CASQ1: variants seen among roughly 807,000 people sequenced by gnomAD.
The protein encoded by CASQ1 is calsequestrin-1.
Under a neutral mutation model 49.5 loss-of-function variants are expected in CASQ1, and 40 were observed. The ratio of observed to expected loss-of-function variants is 0.81; its 90% CI spans 0.63 to 1.05. The LOEUF is 1.05. Among genes scored for constraint, CASQ1 ranks in the 50% least tolerant of loss-of-function variants. The pLI, the probability that CASQ1 is intolerant of heterozygous loss-of-function variation, is 0.00. For missense variants in CASQ1, 469 were observed against 486.9 expected (o/e 0.96, Z 0.35); for synonymous variants, 174 against 187.2 (o/e 0.93, Z 0.58).
intron 2 of CASQ1, 27 bp from the exon 3 acceptor site, chr1:160,193,720 C>G (rs377618071): frequency 1.2e-5 from 16 of 1,309,552 alleles, no homozygotes; most frequent in African/African-American, 2.9e-5. Flanking sequence ...CTCACTACCC[C>G]ACCCCTGCGC....
intron 3 of CASQ1, among the ~76,000 whole-genome samples, chr1:160,194,105 A>G (rs1557814271): frequency 6.6e-6 from 1 of 150,484 alleles, no homozygotes; most frequent in East Asian, 2.0e-4. Flanking sequence ...ACACATAGGC[A>G]CCACATGCAC....
Position 160,199,935 on chromosome 1 carries a change from C to T in CASQ1, c.1059+10C>T. 2.5e-6 allele frequency: 4 copies of T among 1,594,558 alleles called. No individual in the cohort carries two copies. The highest frequency in any genetic ancestry group is 3.4e-6 in the Non-Finnish European group (4 of 1,162,096). On this transcript the variant is annotated intron_variant, in intron 10 of 10. Coordinates refer to ENST00000368078, the MANE Select transcript of CASQ1 (RefSeq NM_001231.5). ...CGTCAATGTTACTGATGTGAGTTTC[C>T]TGTCCTCATCCCGGGTTGACCCCCG... is the stretch of plus-strand genomic sequence containing the variant.
chr1:160,199,067 C>T lies in CASQ1; in HGVS notation c.984+14C>T. 2 of 1,436,078 alleles carry T rather than the reference C, an allele frequency of 1.4e-6. No homozygotes were observed. Among genetic ancestry groups the T allele is most frequent in the South Asian group, 2.3e-5 (2 of 87,566 alleles). 89.0% of individuals were successfully genotyped at this position (1,436,078 alleles called of 1,614,324 possible). ...GACTTCCCCCTGGTAAGAGGCACAG[C>T]TCAGGCACTGCTATCTTAAGGTGGG... is the stretch of plus-strand genomic sequence containing the variant. On this transcript the variant is annotated intron_variant, in intron 9 of 10. Coordinates refer to ENST00000368078, the MANE Select transcript of CASQ1 (RefSeq NM_001231.5).
At chr1:160,194,661 G>C (rs1571048769) in intron 3 of CASQ1, among the ~76,000 whole-genome samples, 2 of 142,628 alleles carry the variant, frequency 1.4e-5, no homozygotes, top group South Asian at 4.5e-4. Context: ...TCACACACAT[G>C]CCACACATGT....
At chr1:160,200,959 G>T (rs1654356895) in intron 10 of CASQ1, among the ~76,000 whole-genome samples, 1 of 152,220 alleles carries the variant, frequency 6.6e-6, no homozygotes, top group African/African-American at 2.4e-5. Context: ...AGCTACCAGT[G>T]GTTTTGCACC....
chr1:160,195,043 G>T lies in CASQ1; in HGVS notation c.497G>T (p.Gly166Val). The T allele has an allele frequency of 6.2e-7, 1 of 1,612,792 alleles. No individual in the cohort carries two copies. The highest frequency in any genetic ancestry group is 8.5e-7 in the Non-Finnish European group (1 of 1,179,212). ...GAGGACCCTGTGGAATTGATTGAAG[G>T]TGAACGAGAGCTGCAGGCGTTTGAG... ...VLEDPVELIE[G>V]ERELQAFENI... The change falls in exon 4 of 11, where the codon GGT becomes GTT. Residue 166 changes from glycine (G) to valine (V), a missense_variant. Physicochemically the swap from Gly to Val is moderately radical, Grantham distance 109. Transcript: ENST00000368078.
Position 160,201,226 on chromosome 1 carries a change from T to C in CASQ1, c.1060-19T>C. 1 of 1,610,214 alleles carries C rather than the reference T, an allele frequency of 6.2e-7. No homozygotes were observed. On this transcript the variant is annotated intron_variant, in intron 10 of 10. Coordinates refer to ENST00000368078, the MANE Select transcript of CASQ1 (RefSeq NM_001231.5). ...CCGGGTTGGACTTAGCTTCCGTCCC[T>C]GCCTGTGCCATCTCCTAGGCGGATA...
intron 1 of CASQ1, chr1:160,192,567 T>C: frequency 2.0e-6 from 1 of 497,144 alleles, no homozygotes; most frequent in Non-Finnish European, 3.7e-6. Flanking sequence ...TGTCTTCAAG[T>C]CCAACATAAT....
chr1:160,195,762 G>A, intron 5 of CASQ1, 135 bp from the exon 6 acceptor site: 1 of 1,033,006 alleles, frequency 9.7e-7, no homozygotes, highest in Non-Finnish European at 1.4e-6. Flanking sequence ...TAAGACACTT[G>A]TCAGGTGTCA....
chr1:160,191,062 A>T, intron 1 of CASQ1, 32 bp downstream of exon 1: 1 of 1,606,330 alleles, frequency 6.2e-7, no homozygotes, highest in South Asian at 1.1e-5. Flanking sequence ...CCTGCAGAGC[A>T]TGTCTAGCCC....
intron 1 of CASQ1, 23 bp from the exon 2 acceptor site, chr1:160,192,773 CTAATTT>C (rs759610529): frequency 3.1e-6 from 5 of 1,598,858 alleles, no homozygotes; most frequent in Non-Finnish European, 4.3e-6. Context: ...ATTCCAGGGG[CTAATTT>C]TAATCATAAT....
Position 160,198,952 on chromosome 1 carries a change from G to C in CASQ1, c.884-1G>C, listed in dbSNP as rs1394158705. 1 of 1,598,110 alleles carries C rather than the reference G, an allele frequency of 6.3e-7. No homozygotes were observed. Among genetic ancestry groups the C allele is most frequent in the Non-Finnish European group, 8.6e-7 (1 of 1,165,502 alleles). On this transcript the variant is annotated splice_acceptor_variant, in intron 8 of 10. Transcript: ENST00000368078. LOFTEE classifies it high-confidence loss of function. ...TACCTTGTACTTGTGTTCCCTCCAA[G>C]ATGGTTTCGAGTTCTTAGAGACTCT...
intron 4 of CASQ1, 73 bp from the exon 5 acceptor site, chr1:160,195,388 G>T: frequency 7.2e-7 from 1 of 1,384,372 alleles, no homozygotes; most frequent in Non-Finnish European, 1.0e-6. Flanking sequence ...AAAGAATTGG[G>T]GACGATAGTG....
chr1:160,190,762 C>A lies in CASQ1; in HGVS notation c.11C>A (p.Thr4Lys). The A allele has an allele frequency of 6.2e-7, 1 of 1,613,902 alleles. No homozygotes were observed. Among genetic ancestry groups the A allele is most frequent in the Non-Finnish European group, 8.5e-7 (1 of 1,179,840 alleles). The change falls in exon 1 of 11, where the codon ACA becomes AAA. Residue 4 changes from threonine (T) to lysine (K), a missense_variant. Thr to Lys is a moderately conservative substitution (Grantham distance 78, BLOSUM62 -1). Transcript: ENST00000368078. The part of the protein sequence containing the change: MSA[T>K]DRMGPRAVPG... ...GATCCCACTACCTCCATGAGTGCTA[C>A]AGACAGGATGGGGCCCAGAGCTGTG...
chr1:160,198,558 C>A (rs760544695), intron 7 of CASQ1, 119 bp from the exon 8 acceptor site: 126 of 734,030 alleles, frequency 1.7e-4, no homozygotes, highest in Non-Finnish European at 2.8e-4. Context: ...GGTCCTGAAG[C>A]TGGATTTCCA....
Position 160,201,348 on chromosome 1 carries a change from A to T in CASQ1, c.1163A>T (p.Glu388Val). The T allele has an allele frequency of 6.2e-7, 1 of 1,614,068 alleles. No homozygotes were observed. The highest frequency in any genetic ancestry group is 8.5e-7 in the Non-Finnish European group (1 of 1,179,948). The stretch of plus-strand genomic sequence containing the variant: ...GTCCTGGAGGGCGAGATCAACACAG[A>T]GGACGATGACGATGATGATGATGAC... ...EDVLEGEINT[E>V]DDDDDDDD Residue 388 changes from glutamate to valine, a missense_variant, in exon 11 of 11, where the codon GAG becomes GTG. Transcript: ENST00000368078.
At chr1:160,195,766 G>T in intron 5 of CASQ1, 131 bp from the exon 6 acceptor site, 3 of 1,037,882 alleles carry the variant, frequency 2.9e-6, no homozygotes, top group Non-Finnish European at 4.3e-6. Context: ...ACACTTGTCA[G>T]GTGTCACAGT....
chr1:160,195,757 C>A, intron 5 of CASQ1, 140 bp from the exon 6 acceptor site: 1 of 997,992 alleles, frequency 1.0e-6, no homozygotes, highest in Non-Finnish European at 1.5e-6. Flanking sequence ...CAAGTTAAGA[C>A]ACTTGTCAGG....
In CASQ1 at chr1:160,201,629, A is replaced by G; in HGVS notation, c.*253A>G. ...ATCCCATAACTTACTTGTATCTATT[A>G]TGTGTCTCTTCCATCACTCTCCATA... On this transcript the variant is annotated 3_prime_UTR_variant, in exon 11 of 11. Coordinates refer to ENST00000368078, the MANE Select transcript of CASQ1 (RefSeq NM_001231.5). 3 of 544,910 alleles carry G rather than the reference A, an allele frequency of 5.5e-6. 1 individual carries two copies. Among genetic ancestry groups the G allele is most frequent in the Non-Finnish European group, 9.9e-6 (3 of 302,314 alleles). The allele number at this position is 544,910 out of a possible 1,614,324, so 33.8% of individuals were successfully genotyped here. A position where few individuals can be genotyped will look rare whatever the true frequency, so the allele number is the denominator to read the frequency against.
Sources: gnomAD v4.1 joint callset for allele counts (sites outside exome capture counted in the v4.1 genomes callset) on GRCh38, gnomAD v4.1.1 for gene constraint, MANE v1.5 for transcripts, NCBI Gene and HGNC (gene_info 2026-07-23, HGNC 2026-07-21) for gene names.